TRIM64C: variants seen among roughly 807,000 people sequenced by gnomAD.
TRIM64C encodes tripartite motif-containing protein 64C.
A neutral mutation model predicts 36.1 loss-of-function variants in TRIM64C; 25 were observed. That is an observed-to-expected ratio of 0.69 (90% CI 0.51 to 0.97). The LOEUF (loss-of-function observed/expected upper bound fraction) is 0.97, where lower values mean the gene tolerates loss of function less well. Among genes scored for constraint, TRIM64C ranks in the 50% least tolerant of loss-of-function variants. The pLI is 0.00. For synonymous variants in TRIM64C, 212 were observed against 185.7 expected (o/e 1.14, Z -1.15); for missense variants, 489 against 536.8 (o/e 0.91, Z 0.88).
Position 49,057,365 on chromosome 11 carries a change from A to G in TRIM64C, c.521T>C (p.Leu174Ser). ...KFCSLVDYVSLRKVIITIQYQ... is the reference protein window; with the variant it reads ...KFCSLVDYVSSRKVIITIQYQ... ...CTGAATAGTGATTATCACCTTCCTT[A>G]ATGACACATAGTCCTGCAGAGACGT... Residue 174 changes from leucine to serine, a missense_variant, in exon 3 of 6, where the codon TTA (leucine) becomes TCA (serine). By Grantham distance (145) the Leu-to-Ser change is moderately radical (BLOSUM62 -2). Coordinates refer to ENST00000617704, the MANE Select transcript of TRIM64C (RefSeq NM_001206631.1). 1 of 1,549,696 alleles carries G rather than the reference A, an allele frequency of 6.5e-7. No individual in the cohort carries two copies. Among genetic ancestry groups the G allele is most frequent in the Non-Finnish European group, 8.7e-7 (1 of 1,146,928 alleles).
chr11:49,055,541 A>T, intron 4 of TRIM64C, 134 bp from the exon 5 acceptor site: 1 of 1,214,116 alleles, frequency 8.2e-7, no homozygotes, highest in Non-Finnish European at 1.1e-6. Context: ...TGTACATTTT[A>T]TTCCACACTC....
chr11:49,058,849 T>G lies in TRIM64C; in HGVS notation c.264A>C (p.Ser88=). 6.5e-7 allele frequency: 1 copy of G among 1,549,566 alleles called. No individual in the cohort carries two copies. Among genetic ancestry groups the G allele is most frequent in the South Asian group, 1.2e-5 (1 of 83,968 alleles). The change falls in exon 1 of 6, where the codon TCA becomes TCC. Residue 88 remains serine, a synonymous_variant. Coordinates refer to ENST00000617704, the MANE Select transcript of TRIM64C (RefSeq NM_001206631.1). ...CCTCATGGAGCACACAGATATTGTCTGAGCTGTTGATGTTCTGAGGTCTGG... is the reference window on the plus strand; with the variant it reads ...CCTCATGGAGCACACAGATATTGTCGGAGCTGTTGATGTTCTGAGGTCTGG... ...RQTRPQNINS[S]DNICVLHEET... is the part of the protein sequence containing the mutation.
At chr11:49,054,313 G>C (rs1854788152) in intron 5 of TRIM64C, 106 bp from the exon 6 acceptor site, 4 of 1,341,762 alleles carry the variant, frequency 3.0e-6, no homozygotes, top group Non-Finnish European at 4.0e-6. Flanking sequence ...ACAGAAAAAA[G>C]GAAACCAAGA....
At position 49,059,099 on chromosome 11, in the gene TRIM64C, G is replaced by A; in HGVS notation, c.14C>T (p.Thr5Ile). 6.5e-7 allele frequency: 1 copy of A among 1,545,760 alleles called. No homozygotes were observed. The highest frequency in any genetic ancestry group is 8.7e-7 in the Non-Finnish European group (1 of 1,145,824). Residue 5 changes from threonine (T) to isoleucine (I), a missense_variant, in exon 1 of 6, where the codon ACC (threonine) becomes ATC (isoleucine). Transcript: ENST00000617704. ...GAGCTCATTCTGGAAGACTCGCAGG[G>A]TGTCTGAATCCATGTTTCTTGAAAT... MDSD[T>I]LRVFQNELIC...
Position 49,054,200 on chromosome 11 carries a change from A to G in TRIM64C, c.867T>C (p.Asn289=). 6.4e-7 allele frequency: 1 copy of G among 1,551,346 alleles called. No individual in the cohort carries two copies. The highest frequency in any genetic ancestry group is 8.7e-7 in the Non-Finnish European group (1 of 1,146,766). Reference sequence around the variant, plus strand: ...AAGGAGTCATTTCTGTACTCAGAGCATTATCCACTGACAAGGAAAAAATAT... The same window carrying G: ...AAGGAGTCATTTCTGTACTCAGAGCGTTATCCACTGACAAGGAAAAAATAT... The part of the protein sequence containing the change: ...LDMLNNFRVD[N]ALSTEMTPCY... Residue 289 remains asparagine (N), a synonymous_variant, in exon 6 of 6, where the codon AAT becomes AAC. Transcript: ENST00000617704.
rs78198128 is a variant in TRIM64C, at chr11:49,054,322, G to T, written c.860-115C>A. 1,938 of 1,220,380 alleles carry T rather than the reference G, an allele frequency of 1.6e-3. 22 individuals carry two copies. The African/African-American group carries it at 0.027, about 17-fold the overall frequency. 75.6% of individuals were successfully genotyped at this position (1,220,380 alleles called of 1,614,324 possible). On this transcript the variant is annotated intron_variant, in intron 5 of 5. Coordinates refer to ENST00000617704, the MANE Select transcript of TRIM64C (RefSeq NM_001206631.1). Reference sequence around the variant, plus strand: ...GGAAATACAGAAAAAAGGAAACCAAGAGAGTTCAGCCCCATGCATCCATGA... The same window carrying T: ...GGAAATACAGAAAAAAGGAAACCAATAGAGTTCAGCCCCATGCATCCATGA...
Position 49,058,929 on chromosome 11 carries a change from G to A in TRIM64C, c.184C>T (p.Pro62Ser). The A allele has an allele frequency of 6.4e-7, 1 of 1,551,182 alleles. No individual in the cohort carries two copies. The highest frequency in any genetic ancestry group is 8.7e-7 in the Non-Finnish European group (1 of 1,146,924). ...AGTGCCACATTGGTGTTGAAGTTGG[G>A]CTTCTCTGAGATTTTTCTGCACAAA... is the stretch of plus-strand genomic sequence containing the variant. ...CPLCRKISEK[P>S]NFNTNVALKK... The change falls in exon 1 of 6, where the codon CCC (proline) becomes TCC (serine). Residue 62 changes from proline (P) to serine (S), a missense_variant. Pro to Ser is a moderately conservative substitution (Grantham distance 74, BLOSUM62 -1). Transcript: ENST00000617704.
chr11:49,057,644 A>G, intron 2 of TRIM64C: 1 of 515,514 alleles, frequency 1.9e-6, no homozygotes, highest in Non-Finnish European at 3.4e-6. Context: ...TATTTCCTCT[A>G]TTAATCTCTC....
rs557569554 is a variant in TRIM64C, at chr11:49,058,855, G to A, written c.258C>T (p.Asn86=). 215 of 1,549,602 alleles carry A rather than the reference G, an allele frequency of 1.4e-4. 2 individuals carry two copies. In the South Asian group the frequency reaches 2.1e-3, roughly 15 times the overall value. ...GGAGCACACAGATATTGTCTGAGCT[G>A]TTGATGTTCTGAGGTCTGGTCTGTC... ...LARQTRPQNI[N]SSDNICVLHE... is the part of the protein sequence containing the mutation. Residue 86 remains asparagine (N), a synonymous_variant, in exon 1 of 6, where the codon AAC becomes AAT. Transcript: ENST00000617704.
At position 49,055,350 on chromosome 11, in the gene TRIM64C, C is replaced by G. The variant is rs745984379; in HGVS notation, c.819G>C (p.Trp273Cys). The G allele has an allele frequency of 1.3e-6, 2 of 1,535,638 alleles. No homozygotes were observed. Among genetic ancestry groups the G allele is most frequent in the Admixed American group, 2.0e-5 (1 of 50,940 alleles). Residue 273 changes from tryptophan to cysteine, a missense_variant, in exon 5 of 6, where the codon TGG becomes TGC. By Grantham distance (215) the Trp-to-Cys change is radical. Coordinates refer to ENST00000617704, the MANE Select transcript of TRIM64C (RefSeq NM_001206631.1). ...GCATGTCTAGGACTCCAGTTATGCACCATGAAGTGAGCTCTGGGTTCACTG... is the reference window on the plus strand; with the variant it reads ...GCATGTCTAGGACTCCAGTTATGCAGCATGAAGTGAGCTCTGGGTTCACTG... ...PQPVNPELTS[W>C]CITGVLDMLN...
At chr11:49,055,630 C>G (rs1372466448) in intron 4 of TRIM64C, among the ~76,000 whole-genome samples, 3 of 152,124 alleles carry the variant, frequency 2.0e-5, no homozygotes, top group African/African-American at 2.4e-5. Flanking sequence ...TATTCTCAGA[C>G]ATTATACAAC....
chr11:49,058,758 C>G lies in TRIM64C; in HGVS notation c.355G>C (p.Glu119Gln). The change falls in exon 1 of 6, where the codon GAG (glutamate) becomes CAG (glutamine). Residue 119 changes from glutamate to glutamine, a missense_variant. Physicochemically the swap from Glu to Gln is conservative, Grantham distance 29. Coordinates refer to ENST00000617704, the MANE Select transcript of TRIM64C (RefSeq NM_001206631.1). ...GGGCTGTGGCTGTGAGCCATGTGCT[C>G]TGGTGACTCAGAGCAGGGCCCACAG... is the stretch of plus-strand genomic sequence containing the variant. ...LLCGPCSESP[E>Q]HMAHSHSPIG... is the part of the protein sequence containing the mutation. 6.5e-7 allele frequency: 1 copy of G among 1,548,310 alleles called. No individual in the cohort carries two copies. Among genetic ancestry groups the G allele is most frequent in the Non-Finnish European group, 8.7e-7 (1 of 1,146,630 alleles).
Position 49,055,380 on chromosome 11 carries a change from G to A in TRIM64C, c.789C>T (p.Pro263=). Residue 263 remains proline, a synonymous_variant, in exon 5 of 6, where the codon CCC becomes CCT. Coordinates refer to ENST00000617704, the MANE Select transcript of TRIM64C (RefSeq NM_001206631.1). ...AAGTGAGCTCTGGGTTCACTGGCTG[G>A]GGCTTTGGCATCTGTGCCAAATCAG... ...ARTDLAQMPK[P]QPVNPELTSW... is the part of the protein sequence containing the mutation. 1 of 1,533,276 alleles carries A rather than the reference G, an allele frequency of 6.5e-7. No homozygotes were observed. The highest frequency in any genetic ancestry group is 8.7e-7 in the Non-Finnish European group (1 of 1,146,440). The allele number at this position is 1,533,276 out of a possible 1,614,324, so 95.0% of individuals were successfully genotyped here. A position where few individuals can be genotyped will look rare whatever the true frequency, so the allele number is the denominator to read the frequency against.
At position 49,058,765 on chromosome 11, in the gene TRIM64C, C is replaced by T; in HGVS notation, c.348G>A (p.Glu116=). The stretch of plus-strand genomic sequence containing the variant: ...GGCTGTGAGCCATGTGCTCTGGTGA[C>T]TCAGAGCAGGGCCCACAGAGCAATC... ...DKRLLCGPCS[E]SPEHMAHSHS... Residue 116 remains glutamate, a synonymous_variant, in exon 1 of 6, where the codon GAG becomes GAA. Coordinates refer to ENST00000617704, the MANE Select transcript of TRIM64C (RefSeq NM_001206631.1). 6.5e-7 allele frequency: 1 copy of T among 1,548,450 alleles called. No individual in the cohort carries two copies. Among genetic ancestry groups the T allele is most frequent in the Non-Finnish European group, 8.7e-7 (1 of 1,146,654 alleles).
intron 4 of TRIM64C, 127 bp from the exon 5 acceptor site, chr11:49,055,534 A>G (rs1854803324): frequency 1.6e-6 from 2 of 1,279,326 alleles, no homozygotes; most frequent in Admixed American, 2.2e-5. Context: ...AACTGGATGT[A>G]CATTTTATTC....
Position 49,058,819 on chromosome 11 carries a change from A to T in TRIM64C, c.294T>A (p.Thr98=), listed in dbSNP as rs1854846549. 6.5e-7 allele frequency: 1 copy of T among 1,549,114 alleles called. No homozygotes were observed. The highest frequency in any genetic ancestry group is 8.7e-7 in the Non-Finnish European group (1 of 1,146,842). The part of the protein sequence containing the change: ...SDNICVLHEE[T]KELFCEADKR... ...TGTCAGCCTCACAGAAGAGCTCCTT[A>T]GTCTCCTCATGGAGCACACAGATAT... The change falls in exon 1 of 6, where the codon ACT becomes ACA. Residue 98 remains threonine (T), a synonymous_variant. Transcript: ENST00000617704.
Position 49,057,272 on chromosome 11 carries a change from G to T in TRIM64C, c.614C>A (p.Ala205Glu), listed in dbSNP as rs1329363107. Residue 205 changes from alanine (A) to glutamate (E), a missense_variant, in exon 3 of 6, where the codon GCA becomes GAA. Ala to Glu is a moderately radical substitution (Grantham distance 107, BLOSUM62 -1). Transcript: ENST00000617704. The part of the protein sequence containing the change: ...QRHLQALERE[A>E]KELFQQLQDS... The stretch of plus-strand genomic sequence containing the variant: ...TTGTAGTTGTTGGAAAAGCTCTTTT[G>T]CTTCTCTTTCCAGTGCCTGCAGATG... The T allele has an allele frequency of 1.9e-6, 3 of 1,549,684 alleles. No homozygotes were observed. Among genetic ancestry groups the T allele is most frequent in the Non-Finnish European group, 2.6e-6 (3 of 1,146,964 alleles).
rs1218232154 is a variant in TRIM64C, at chr11:49,053,859, G to A, written c.1208C>T (p.Pro403Leu). The change falls in exon 6 of 6, where the codon CCT becomes CTT. Residue 403 changes from proline (P) to leucine (L), a missense_variant. Transcript: ENST00000617704. Reference sequence around the variant, plus strand: ...CAGAAACACCCCAACCCAACCCAGAGGCCTTTGCACATACTGGATTAAAGG... The same window carrying A: ...CAGAAACACCCCAACCCAACCCAGAAGCCTTTGCACATACTGGATTAAAGG... ...SPPLIQYVQR[P>L]LGWVGVFLDY... 12 of 1,551,746 alleles carry A rather than the reference G, an allele frequency of 7.7e-6. No individual in the cohort carries two copies. The highest frequency in any genetic ancestry group is 1.0e-5 in the Non-Finnish European group (12 of 1,146,870).
chr11:49,055,260 C>T, intron 5 of TRIM64C, 50 bp downstream of exon 5: 1 of 1,533,298 alleles, frequency 6.5e-7, no homozygotes, highest in Non-Finnish European at 8.7e-7. Context: ...AACCAAGGGA[C>T]CCAATAAGGA....
Sources: gnomAD v4.1 joint callset for allele counts (sites outside exome capture counted in the v4.1 genomes callset) on GRCh38, gnomAD v4.1.1 for gene constraint, MANE v1.5 for transcripts, NCBI Gene and HGNC (gene_info 2026-07-23, HGNC 2026-07-21) for gene names.